Variants in PIK3C3 observed in about 807,000 individuals in gnomAD.
PIK3C3 encodes the protein phosphatidylinositol 3-kinase catalytic subunit type 3.
PIK3C3 carries 95 observed loss-of-function variants against 126.1 expected under a neutral mutation model. The ratio of observed to expected loss-of-function variants is 0.75; its 90% CI spans 0.64 to 0.89. PIK3C3 has a LOEUF of 0.89. Among genes scored for constraint, PIK3C3 ranks in the 40% least tolerant of loss-of-function variants. The pLI is 0.00. For synonymous variants in PIK3C3, 374 were observed against 360.0 expected (o/e 1.04, Z -0.44); for missense variants, 829 against 1,063.2 (o/e 0.78, Z 3.06).
chr18:42,059,687 T>C (rs1217626374), intron 22 of PIK3C3: 1 of 152,148 alleles, frequency 6.6e-6, no homozygotes, highest in Non-Finnish European at 1.5e-5. Context: ...TAAATAATTT[T>C]ATGCAGAGTT....
intron 5 of PIK3C3, among the ~76,000 whole-genome samples, chr18:41,990,224 A>G (rs1393909398): frequency 6.6e-6 from 1 of 152,178 alleles, no homozygotes; most frequent in East Asian, 1.9e-4. Flanking sequence ...TAAATTTGAG[A>G]AAGCAGTTAT....
At chr18:41,986,734 A>C (rs1981496728) in intron 4 of PIK3C3, among the ~76,000 whole-genome samples, 1 of 152,016 alleles carries the variant, frequency 6.6e-6, no homozygotes, top group African/African-American at 2.4e-5. Context: ...GCTTTTTGTA[A>C]TCATGCTAAG....
intron 21 of PIK3C3, chr18:42,052,705 A>G (rs767317118): frequency 2.0e-5 from 3 of 152,172 alleles, no homozygotes; most frequent in Non-Finnish European, 4.4e-5. Flanking sequence ...TGTTATAAAT[A>G]GACTTTGTAT....
At chr18:41,963,872 G>A (rs1283070004) in intron 3 of PIK3C3, among the ~76,000 whole-genome samples, 1 of 149,728 alleles carries the variant, frequency 6.7e-6, no homozygotes, top group East Asian at 2.0e-4. Flanking sequence ...TATATAAGGA[G>A]TCTTTGTAGA....
In PIK3C3 at chr18:42,040,696, G is replaced by A. The variant is rs765982135; in HGVS notation, c.2058G>A (p.Gln686=). ...GTGTAGGCTTCATGCAGTTTATCCA[G>A]TCAGTTCCTGTGGCTGAAGTTCTTG... ...STKHGFMQFI[Q]SVPVAEVLDT... is the part of the protein sequence containing the mutation. The change falls in exon 19 of 25, where the codon CAG becomes CAA. Residue 686 remains glutamine (Q), a synonymous_variant. Transcript: ENST00000262039. 13 of 1,611,268 alleles carry A rather than the reference G, an allele frequency of 8.1e-6. No individual in the cohort carries two copies. The highest frequency in any genetic ancestry group is 1.1e-5 in the Non-Finnish European group (13 of 1,177,878).
intron 24 of PIK3C3, among the ~76,000 whole-genome samples, chr18:42,073,127 AAAAT>A (rs1350380463): frequency 1.5e-4 from 23 of 152,358 alleles, no homozygotes; most frequent in African/African-American, 5.0e-4. Flanking sequence ...TGACTGTAAA[AAAAT>A]AAATAACCAA....
At chr18:42,060,596 C>T (rs1984366) in intron 22 of PIK3C3, among the ~76,000 whole-genome samples, 35,778 of 151,748 alleles carry the variant, frequency 0.24, 4,559 homozygotes, top group South Asian at 0.4. Context: ...CATGGTGAAA[C>T]CCTGTCTCTA....
intron 13 of PIK3C3, 25 bp downstream of exon 13, chr18:42,020,730 ATTTTC>A: frequency 7.8e-7 from 1 of 1,280,556 alleles, no homozygotes; most frequent in Non-Finnish European, 1.1e-6. Flanking sequence ...TTTTCTGTTT[ATTTTC>A]TTATTACCCT....
chr18:41,988,480 G>A (rs524793), intron 5 of PIK3C3, among the ~76,000 whole-genome samples: 75,013 of 151,856 alleles, frequency 0.49, 20,265 homozygotes, highest in African/African-American at 0.72. Context: ...GCTCTAAAAT[G>A]CCAGATGTTA....
intron 22 of PIK3C3, among the ~76,000 whole-genome samples, chr18:42,063,499 A>G (rs551030860): frequency 1.2e-4 from 19 of 152,356 alleles, no homozygotes; most frequent in African/African-American, 4.3e-4. Context: ...AGCTATTATC[A>G]TAACTTTTTG....
chr18:42,054,128 A>T (rs58838212), intron 21 of PIK3C3, among the ~76,000 whole-genome samples: 4 of 4,220 alleles, frequency 9.5e-4, no homozygotes, highest in African/African-American at 3.2e-3. Flanking sequence ...AACTAATGGT[A>T]TATATATATA....
chr18:42,079,892 A>G (rs2144541957), intron 24 of PIK3C3, among the ~76,000 whole-genome samples: 1 of 152,014 alleles, frequency 6.6e-6, no homozygotes, highest in Non-Finnish European at 1.5e-5. Context: ...CCTCCAGGCA[A>G]CACACCTCTT....
chr18:42,031,344 T>C (rs1983816249), intron 15 of PIK3C3, among the ~76,000 whole-genome samples: 1 of 152,184 alleles, frequency 6.6e-6, no homozygotes, highest in Non-Finnish European at 1.5e-5. Context: ...CTTTCCTTCG[T>C]TGATCTCTAG....
At chr18:42,045,925 C>T (rs1055772929) in intron 20 of PIK3C3, among the ~76,000 whole-genome samples, 1 of 152,112 alleles carries the variant, frequency 6.6e-6, no homozygotes, top group African/African-American at 2.4e-5. Flanking sequence ...CACACGCTTG[C>T]CCTGTCAGTA....
intron 19 of PIK3C3, among the ~76,000 whole-genome samples, chr18:42,041,364 G>A (rs1984309104): frequency 6.6e-6 from 1 of 151,860 alleles, no homozygotes; most frequent in Non-Finnish European, 1.5e-5. Context: ...CAATGATATT[G>A]TTGCTCATCT....
chr18:42,046,135 A>G (rs1203812878), intron 20 of PIK3C3, among the ~76,000 whole-genome samples: 3 of 152,160 alleles, frequency 2.0e-5, no homozygotes, highest in African/African-American at 4.8e-5. Flanking sequence ...TTAAATTCAC[A>G]TTATATCTTA....
At chr18:42,008,179 A>G (rs537918274) in intron 10 of PIK3C3, among the ~76,000 whole-genome samples, 1 of 152,060 alleles carries the variant, frequency 6.6e-6, no homozygotes, top group Admixed American at 6.6e-5. Flanking sequence ...CTGATTTAGG[A>G]TTTTTTTAAT....
intron 24 of PIK3C3, among the ~76,000 whole-genome samples, chr18:42,072,771 A>G (rs1598957833): frequency 6.6e-6 from 1 of 152,272 alleles, no homozygotes; most frequent in East Asian, 1.9e-4. Flanking sequence ...CCTGGCCTCA[A>G]GCAATCCTCC....
intron 10 of PIK3C3, among the ~76,000 whole-genome samples, chr18:42,005,894 T>G (rs1982520888): frequency 6.6e-6 from 1 of 151,152 alleles, no homozygotes; most frequent in Non-Finnish European, 1.5e-5. Context: ...TTGTTTCATC[T>G]GTAACACTGC....
Sources: gnomAD v4.1 joint callset for allele counts (sites outside exome capture counted in the v4.1 genomes callset) on GRCh38, gnomAD v4.1.1 for gene constraint, MANE v1.5 for transcripts, NCBI Gene and HGNC (gene_info 2026-07-23, HGNC 2026-07-21) for gene names.